The following GPR35 variants were observed in gnomAD, a reference collection of about 807,000 sequenced individuals.
The protein encoded by GPR35 is KYNA receptor.
For synonymous variants in GPR35, 207 were observed against 198.4 expected (o/e 1.04, Z -0.36); for missense variants, 372 against 422.5 (o/e 0.88, Z 1.05).
chr2:240,616,248 A>C (rs1357310870), intron 2 of GPR35: 3 of 627,120 alleles, frequency 4.8e-6, no homozygotes, highest in Non-Finnish European at 8.6e-6. Flanking sequence ...CCTGAGGGTG[A>C]CCTTCCATTG....
In GPR35 at chr2:240,617,353, G is replaced by T. The variant is rs1411050095; in HGVS notation, c.-189G>T. On this transcript the variant is annotated 5_prime_UTR_variant, in exon 4 of 6. Transcript: ENST00000319838. ...CCCGAATTCCTGACCCACAGGAACT[G>T]GGAGATAAAACTCTGTGGTTTTAAT... 1.9e-5 allele frequency: 13 copies of T among 671,504 alleles called. 1 individual carries two copies. The South Asian group carries it at 2.1e-4, about 11-fold the overall frequency. 41.6% of individuals were successfully genotyped at this position (671,504 alleles called of 1,614,324 possible). A position where few individuals can be genotyped will look rare whatever the true frequency, so the allele number is the denominator to read the frequency against.
At chr2:240,623,452 G>A (rs188021471), upstream of GPR35, among the ~76,000 whole-genome samples, 69 of 75,430 alleles carry the variant, frequency 9.1e-4, no homozygotes, top group African/African-American at 2.3e-3. Flanking sequence ...GCGCAAACAG[G>A]TCGTGAGGGT....
rs761022613 is a variant in GPR35 at position 240,630,455 on chromosome 2, A to G, written c.503A>G (p.His168Arg). 14 of 1,612,782 alleles carry G rather than the reference A, an allele frequency of 8.7e-6. No individual in the cohort carries two copies. Among genetic ancestry groups the G allele is most frequent in the Non-Finnish European group, 1.0e-5 (12 of 1,179,962 alleles). Reference protein sequence around the residue: ...EGGFCFRSTRHNFNSMAFPLL... With the variant: ...EGGFCFRSTRRNFNSMAFPLL... ...GGCTTCTGCTTCAGGAGCACCCGGC[A>G]CAATTTCAACTCCATGGCGTTCCCG... is the stretch of plus-strand genomic sequence containing the variant. The change falls in exon 2 of 2, where the codon CAC becomes CGC. Residue 168 changes from histidine to arginine, a missense_variant. Transcript: ENST00000407714.
rs112664411 is a variant in GPR35 at position 240,626,106 on chromosome 2, G to A, written c.-5+538G>A. Reference sequence around the variant, plus strand: ...GAGGCTGTGACGGGGTCTCAGAGCGGGGTGAGGCTGTGATGGGGGTCTCAG... The same window carrying A: ...GAGGCTGTGACGGGGTCTCAGAGCGAGGTGAGGCTGTGATGGGGGTCTCAG... On this transcript the variant is annotated intron_variant, in intron 1 of 1. Coordinates refer to ENST00000407714, the MANE Select transcript of GPR35 (RefSeq NM_005301.5). Among the ~76,000 whole-genome samples, 238 of 25,582 alleles carry A rather than the reference G, an allele frequency of 9.3e-3. 2 individuals carry two copies. The highest frequency in any genetic ancestry group is 0.024 in the Middle Eastern group (2 of 84). 16.8% of individuals were successfully genotyped at this position (25,582 alleles called of 152,430 possible). A position where few individuals can be genotyped will look rare whatever the true frequency, so the allele number is the denominator to read the frequency against.
At chr2:240,610,250 G>A (rs978205361) in intron 2 of GPR35, among the ~76,000 whole-genome samples, 63 of 152,148 alleles carry the variant, frequency 4.1e-4, no homozygotes, top group African/African-American at 1.5e-3. Flanking sequence ...GAGCCAACAC[G>A]CTGGTCCGTG....
At chr2:240,622,634 G>T (rs920108101), upstream of GPR35, among the ~76,000 whole-genome samples, 7 of 152,260 alleles carry the variant, frequency 4.6e-5, no homozygotes, top group African/African-American at 1.7e-4. Flanking sequence ...CAAGCTTGCT[G>T]CAGAGGCTCC....
intron 5 of GPR35, chr2:240,619,180 A>G (rs2043267205): frequency 1.8e-6 from 1 of 548,026 alleles, no homozygotes. Flanking sequence ...ACGTCTTTCT[A>G]TTGTGGTCAG....
At chr2:240,621,784 A>G (rs115866549), upstream of GPR35, among the ~76,000 whole-genome samples, 693 of 152,334 alleles carry the variant, frequency 4.5e-3, 3 homozygotes, top group African/African-American at 0.016. Flanking sequence ...AAGAGGGGGA[A>G]CACCCCAGCT....
At chr2:240,620,257 G>C (rs1158421112) in intron 5 of GPR35, among the ~76,000 whole-genome samples, 1 of 152,290 alleles carries the variant, frequency 6.6e-6, no homozygotes, top group East Asian at 1.9e-4. Context: ...GGGGTCACCT[G>C]CCCTCAGCCC....
At chr2:240,625,319 C>T, upstream of GPR35, 1 of 985,592 alleles carries the variant, frequency 1.0e-6, no homozygotes, top group South Asian at 4.7e-5. Flanking sequence ...ACCCCACTTC[C>T]CTCCCAGAAA....
At chr2:240,607,862 C>CTCTTCTT (rs771966041) in intron 2 of GPR35, among the ~76,000 whole-genome samples, 1 of 151,068 alleles carries the variant, frequency 6.6e-6, no homozygotes, top group African/African-American at 2.4e-5. Context: ...CCTCCTCCTC[C>CTCTTCTT]TCTTCTTTCT....
In GPR35 at chr2:240,630,119, G is replaced by T; in HGVS notation, c.167G>T (p.Arg56Leu). 6.2e-7 allele frequency: 1 copy of T among 1,606,196 alleles called. No homozygotes were observed. Among genetic ancestry groups the T allele is most frequent in the Non-Finnish European group, 8.5e-7 (1 of 1,179,446 alleles). The change falls in exon 2 of 2, where the codon CGC becomes CTC. Residue 56 changes from arginine (R) to leucine (L), a missense_variant. By Grantham distance (102) the Arg-to-Leu change is moderately radical. Coordinates refer to ENST00000407714, the MANE Select transcript of GPR35 (RefSeq NM_005301.5). Reference sequence around the variant, plus strand: ...CGCATGCAGCAGTGGACGGAGACCCGCATCTACATGACCAACCTGGCGGTG... The same window carrying T: ...CGCATGCAGCAGTGGACGGAGACCCTCATCTACATGACCAACCTGGCGGTG... ...CCRMQQWTET[R>L]IYMTNLAVAD...
intron 1 of GPR35, among the ~76,000 whole-genome samples, chr2:240,605,945 C>A (rs1321725360): frequency 6.6e-6 from 1 of 152,150 alleles, no homozygotes; most frequent in Non-Finnish European, 1.5e-5. Flanking sequence ...GGAGGAAAGG[C>A]TTTGGCAGGC....
At chr2:240,625,818 G>A (rs1378778386) in intron 1 of GPR35, among the ~76,000 whole-genome samples, 11 of 102,384 alleles carry the variant, frequency 1.1e-4, no homozygotes, top group East Asian at 3.3e-4. Flanking sequence ...AGTGGGGTGA[G>A]GCTGTGATGG....
At chr2:240,610,588 G>C (rs1035256710) in intron 2 of GPR35, among the ~76,000 whole-genome samples, 1 of 151,982 alleles carries the variant, frequency 6.6e-6, no homozygotes, top group Non-Finnish European at 1.5e-5. Flanking sequence ...AGCCTCCCAA[G>C]TAGCTAGGAC....
chr2:240,617,364 C>T, exon 4 of GPR35: 1 of 656,080 alleles, frequency 1.5e-6, no homozygotes, highest in South Asian at 1.7e-5. Context: ...GGAGATAAAA[C>T]TCTGTGGTTT....
chr2:240,630,053 G>T lies in GPR35; in HGVS notation c.101G>T (p.Gly34Val), dbSNP rs1474230491. The T allele has an allele frequency of 1.2e-6, 2 of 1,612,410 alleles. No homozygotes were observed. Among genetic ancestry groups the T allele is most frequent in the East Asian group, 2.2e-5 (1 of 44,878 alleles). Residue 34 changes from glycine (G) to valine (V), a missense_variant, in exon 2 of 2, where the codon GGC (glycine) becomes GTC (valine). Transcript: ENST00000407714. ...YAYLGVLLVL[G>V]LLLNSLALWV... ...TACTTGGGCGTCCTGCTGGTGCTAG[G>T]CCTGCTGCTCAACAGCCTGGCGCTC...
Position 240,627,628 on chromosome 2 carries a change from C to CTTTTTTTTTTTTTTTT in GPR35, c.-5+2072_-5+2087dup, listed in dbSNP as rs60197961. On this transcript the variant is annotated intron_variant, in intron 1 of 1. Transcript: ENST00000407714. Reference sequence around the variant, plus strand: ...ATCACCAGCCCAGCTAATTTTCTGTCTTTTTTTTTTTTTTTTTTTTTTTTT... The same window carrying CTTTTTTTTTTTTTTTT: ...ATCACCAGCCCAGCTAATTTTCTGTCTTTTTTTTTTTTTTTTTTTTTTTTTTTTTTTTTTTTTTTTT... The CTTTTTTTTTTTTTTTT allele has an allele frequency of 7.2e-5, 5 of 69,652 alleles. 1 individual carries two copies. Among genetic ancestry groups the CTTTTTTTTTTTTTTTT allele is most frequent in the South Asian group, 6.8e-4 (1 of 1,462 alleles). The allele number at this position is 69,652 out of a possible 1,614,324, so 4.3% of individuals were successfully genotyped here. A position where few individuals can be genotyped will look rare whatever the true frequency, so the allele number is the denominator to read the frequency against.
chr2:240,631,139 C>T lies in GPR35; in HGVS notation c.*257C>T. On this transcript the variant is annotated 3_prime_UTR_variant, in exon 2 of 2. Transcript: ENST00000407714. ...CCCCCGGGATGGGGCCTCACACTTG[C>T]CACCCCCAGAACCAGCTCACCTGGC... The T allele has an allele frequency of 1.9e-6, 1 of 537,752 alleles. No homozygotes were observed. The allele number at this position is 537,752 out of a possible 1,614,324, so 33.3% of individuals were successfully genotyped here.
Sources: allele counts gnomAD v4.1 joint callset (sites outside exome capture counted in the v4.1 genomes callset), GRCh38; gene constraint gnomAD v4.1.1; transcripts MANE v1.5; gene names NCBI Gene and HGNC (gene_info 2026-07-23, HGNC 2026-07-21).